TASP1: variants seen among roughly 807,000 people sequenced by gnomAD.
TASP1 encodes taspase 1.
A neutral mutation model predicts 56.6 loss-of-function variants in TASP1; 16 were observed. The observed-to-expected ratio is 0.28, with a 90% CI of 0.19 to 0.43. The LOEUF (loss-of-function observed/expected upper bound fraction) is 0.43. Among genes scored for constraint, TASP1 ranks in the 20% least tolerant of loss-of-function variants. TASP1 has a pLI of 1.00. For synonymous variants in TASP1, 179 were observed against 184.2 expected (o/e 0.97, Z 0.23); for missense variants, 393 against 511.6 (o/e 0.77, Z 2.24).
At chr20:13,300,563 T>C in the TASP1 span, 1 of 152,178 alleles carries the variant, frequency 6.6e-6, no homozygotes, top group East Asian at 1.9e-4. Flanking sequence ...GGGTAGAACT[T>C]AGGAAAAATA....
chr20:13,455,935 T>C (rs1324190948), intron 11 of TASP1, among the ~76,000 whole-genome samples: 1 of 152,102 alleles, frequency 6.6e-6, no homozygotes, highest in East Asian at 1.9e-4. Flanking sequence ...TTGAACAAAC[T>C]CTCCACTCGC....
chr20:13,452,413 T>A (rs138078247), intron 11 of TASP1, among the ~76,000 whole-genome samples: 8,491 of 139,044 alleles, frequency 0.061, 335 homozygotes, highest in African/African-American at 0.13. Flanking sequence ...ACACATACAT[T>A]AAAAAAAAAA....
chr20:13,352,323 G>A, the TASP1 span, among the ~76,000 whole-genome samples: 7 of 151,850 alleles, frequency 4.6e-5, no homozygotes, highest in Non-Finnish European at 7.4e-5. Context: ...GGTGGAGCAC[G>A]CCTGTAATCC....
the TASP1 span, among the ~76,000 whole-genome samples, chr20:13,189,608 C>A: frequency 6.6e-6 from 1 of 152,002 alleles, no homozygotes; most frequent in African/African-American, 2.4e-5. Flanking sequence ...AATGAGATAC[C>A]ATTTCATACC....
intron 13 of TASP1, among the ~76,000 whole-genome samples, chr20:13,391,955 G>A (rs551891707): frequency 1.9e-3 from 273 of 141,874 alleles, no homozygotes; most frequent in Admixed American, 3.1e-3. Flanking sequence ...GCGACAGAGC[G>A]AGACTCCGTC....
the TASP1 span, among the ~76,000 whole-genome samples, chr20:13,204,666 A>C: frequency 1.3e-5 from 2 of 152,064 alleles, no homozygotes; most frequent in African/African-American, 4.8e-5. Flanking sequence ...CAGCCTCCCA[A>C]GTAGCTGGGA....
intron 10 of TASP1, among the ~76,000 whole-genome samples, chr20:13,506,646 G>T (rs60385063): frequency 1.3e-5 from 2 of 152,014 alleles, no homozygotes; most frequent in African/African-American, 2.4e-5. Context: ...AAAACCATAT[G>T]ATCATCTCAA....
chr20:13,453,061 G>A (rs765205111), intron 11 of TASP1, among the ~76,000 whole-genome samples: 13 of 152,042 alleles, frequency 8.6e-5, no homozygotes, highest in African/African-American at 1.2e-4. Context: ...AATGATTAAC[G>A]AAAGGAGCCA....
the TASP1 span, among the ~76,000 whole-genome samples, chr20:13,209,864 T>C: frequency 6.6e-6 from 1 of 152,336 alleles, no homozygotes; most frequent in South Asian, 2.1e-4. Flanking sequence ...TTTCTGTTTA[T>C]TGAAGTACAG....
rs192381028 is a variant in TASP1, at chr20:13,566,444, T to C, written c.568+3063A>G. 3.3e-3 allele frequency among the ~76,000 whole-genome samples: 495 copies of C among 151,050 alleles called. 2 individuals are homozygous for C. The highest frequency in any genetic ancestry group is 0.012 in the East Asian group (60 of 5,132). On this transcript the variant is annotated intron_variant, in intron 7 of 13. Transcript: ENST00000337743. ...AACAACCCAGACATAAATGGGTAAA[T>C]GGCTAAACAGTAGTAGTACCTCCAT...
chr20:13,533,919 A>G lies in TASP1; in HGVS notation c.795+103T>C, dbSNP rs1227330743. The G allele has an allele frequency of 3.0e-6, 4 of 1,349,798 alleles. No individual in the cohort carries two copies. In the East Asian group the frequency reaches 7.1e-5, roughly 24 times the overall value. 83.6% of individuals were successfully genotyped at this position (1,349,798 alleles called of 1,614,324 possible). A position where few individuals can be genotyped will look rare whatever the true frequency, so the allele number is the denominator to read the frequency against. On this transcript the variant is annotated intron_variant, in intron 9 of 13. Transcript: ENST00000337743. ...TACATGTTAAAAAACAATGACATTC[A>G]TTTTTTCTAAAGAAAAAATGTTCCC...
At chr20:13,412,293 G>A (rs879697986) in intron 13 of TASP1, among the ~76,000 whole-genome samples, 5 of 152,160 alleles carry the variant, frequency 3.3e-5, no homozygotes, top group Non-Finnish European at 7.4e-5. Context: ...CCTCTGTGTT[G>A]AGTTTGACTC....
At chr20:13,308,090 T>C in the TASP1 span, among the ~76,000 whole-genome samples, 2 of 152,316 alleles carry the variant, frequency 1.3e-5, no homozygotes, top group South Asian at 4.1e-4. Flanking sequence ...TTCACTGTCT[T>C]TCCTGACTAC....
At chr20:13,412,836 C>T (rs1253443273) in intron 13 of TASP1, among the ~76,000 whole-genome samples, 11 of 152,150 alleles carry the variant, frequency 7.2e-5, no homozygotes. Context: ...TGGAATTCTG[C>T]AGATTGGAAG....
At chr20:13,246,186 T>C in the TASP1 span, among the ~76,000 whole-genome samples, 1 of 151,068 alleles carries the variant, frequency 6.6e-6, no homozygotes, top group Admixed American at 6.6e-5. Flanking sequence ...GGCAGCAGAA[T>C]CACTTGAACC....
chr20:13,321,272 A>AC, the TASP1 span, among the ~76,000 whole-genome samples: 10 of 151,002 alleles, frequency 6.6e-5, no homozygotes, highest in Non-Finnish European at 1.3e-4. Flanking sequence ...AAAAAAAAAA[A>AC]AAAAGATTTT....
At position 13,580,657 on chromosome 20, in the gene TASP1, G is replaced by GT. The variant is rs200626694; in HGVS notation, c.488+239dup. On this transcript the variant is annotated intron_variant, in intron 6 of 13. Transcript: ENST00000337743. ...TTAGACTCTGGACTACAATGTGTAA[G>GT]TTTTTTTTAAGTTTCATAATAAAAT... is the stretch of plus-strand genomic sequence containing the variant. 5.2e-3 allele frequency among the ~76,000 whole-genome samples: 793 copies of GT among 152,036 alleles called. 4 individuals carry two copies. Among genetic ancestry groups the GT allele is most frequent in the Admixed American group, 8.6e-3 (132 of 15,270 alleles).
At chr20:13,451,860 A>G (rs2146295870) in intron 11 of TASP1, among the ~76,000 whole-genome samples, 1 of 152,176 alleles carries the variant, frequency 6.6e-6, no homozygotes, top group Admixed American at 6.6e-5. Context: ...ACTAACCTTA[A>G]TCATTTCTAG....
the TASP1 span, among the ~76,000 whole-genome samples, chr20:13,375,071 G>A: frequency 6.6e-6 from 1 of 152,068 alleles, no homozygotes; most frequent in South Asian, 2.1e-4. Flanking sequence ...TTAAAGATAG[G>A]TGTGTTGTGT....
Sources: allele counts gnomAD v4.1 joint callset (sites outside exome capture counted in the v4.1 genomes callset), GRCh38; gene constraint gnomAD v4.1.1; transcripts MANE v1.5; gene names NCBI Gene and HGNC (gene_info 2026-07-23, HGNC 2026-07-21).